Variants in TIMM23B observed in about 807,000 individuals in gnomAD.
TIMM23B encodes translocase of inner mitochondrial membrane 23 homolog B.
A neutral mutation model predicts 27.3 loss-of-function variants in TIMM23B; 27 were observed. The observed-to-expected ratio is 0.99, with a 90% CI of 0.73 to 1.36. TIMM23B has a LOEUF of 1.36. Among genes scored for constraint, TIMM23B ranks in the 40% most tolerant of loss-of-function variants. The pLI is 0.00. For synonymous variants in TIMM23B, 73 were observed against 92.4 expected (o/e 0.79, Z 1.21); for missense variants, 205 against 244.2 (o/e 0.84, Z 1.07).
chr10:49,955,670 A>G (rs1839692926), intron 5 of TIMM23B, among the ~76,000 whole-genome samples: 1 of 152,222 alleles, frequency 6.6e-6, no homozygotes, highest in Non-Finnish European at 1.5e-5. Context: ...CTGACATCCA[A>G]AATTTTCCTA....
rs1420488326 is a variant in TIMM23B, at chr10:49,942,139, A to C, written c.-56A>C. The C allele has an allele frequency of 2.6e-6, 4 of 1,542,024 alleles. No individual in the cohort carries two copies. The highest frequency in any genetic ancestry group is 3.5e-6 in the Non-Finnish European group (4 of 1,138,796). ...CGCTGTTATTGAGGAGTAACGGCCC[A>C]GCGGACCACCCAGGCTTGAGGCAGC... On this transcript the variant is annotated 5_prime_UTR_variant, in exon 1 of 7. Coordinates refer to ENST00000651259, the MANE Select transcript of TIMM23B (RefSeq NM_001290117.2).
intron 6 of TIMM23B, among the ~76,000 whole-genome samples, chr10:49,964,132 T>TG (rs1473914578): frequency 3.3e-5 from 5 of 150,202 alleles, no homozygotes; most frequent in African/African-American, 1.2e-4. Context: ...AAATATGAAA[T>TG]GCCAGGTGTG....
chr10:49,942,237 T>G lies in TIMM23B; in HGVS notation c.43T>G (p.Leu15Val). Residue 15 changes from leucine to valine, a missense_variant, in exon 1 of 7, where the codon TTG becomes GTG. Transcript: ENST00000651259. The stretch of plus-strand genomic sequence containing the variant: ...AAGCGGCGACAAAACCACAGGGGTA[T>G]TGGCCGGCTTTTTCGGAGCCGGCGA... ...GGSGDKTTGV[L>V]AGFFGAGEAG... The G allele has an allele frequency of 6.2e-7, 1 of 1,612,842 alleles. No individual in the cohort carries two copies. Among genetic ancestry groups the G allele is most frequent in the Non-Finnish European group, 8.5e-7 (1 of 1,179,428 alleles).
chr10:49,968,281 A>G (rs1554855780), intron 6 of TIMM23B, among the ~76,000 whole-genome samples: 1 of 152,240 alleles, frequency 6.6e-6, no homozygotes, highest in Non-Finnish European at 1.5e-5. Context: ...AAAGTTTGAA[A>G]TGCAACCTAT....
intron 2 of TIMM23B, among the ~76,000 whole-genome samples, chr10:49,949,709 T>G (rs1297227182): frequency 3.3e-5 from 5 of 151,054 alleles, no homozygotes; most frequent in Non-Finnish European, 7.4e-5. Context: ...TTATTGGAAA[T>G]AATTCTGGAG....
chr10:49,944,990 T>TA (rs1331549990), intron 1 of TIMM23B, 42 bp from the exon 2 acceptor site: 2 of 1,569,660 alleles, frequency 1.3e-6, no homozygotes, highest in African/African-American at 2.7e-5. Context: ...TGGATTAACT[T>TA]AAAGAATTTT....
chr10:49,949,466 A>C (rs1301372378), intron 2 of TIMM23B, among the ~76,000 whole-genome samples: 1 of 151,924 alleles, frequency 6.6e-6, no homozygotes, highest in Non-Finnish European at 1.5e-5. Context: ...AACTAGTTGC[A>C]TGTATTTTGC....
At chr10:49,971,345 A>C (rs1376601758) in intron 6 of TIMM23B, among the ~76,000 whole-genome samples, 1 of 151,902 alleles carries the variant, frequency 6.6e-6, no homozygotes, top group Non-Finnish European at 1.5e-5. Flanking sequence ...AAAAAAAAAA[A>C]AAAATACTGC....
intron 5 of TIMM23B, 100 bp from the exon 6 acceptor site, chr10:49,958,270 A>G: frequency 5.3e-6 from 4 of 754,230 alleles, no homozygotes; most frequent in South Asian, 1.5e-5. Flanking sequence ...GGGCTATGGG[A>G]GTTATGAGCT....
intron 2 of TIMM23B, among the ~76,000 whole-genome samples, chr10:49,947,785 C>T (rs1213989940): frequency 5.3e-5 from 8 of 151,908 alleles, no homozygotes; most frequent in East Asian, 1.9e-4. Context: ...CAAAAATTAG[C>T]GGGGTGTGGT....
intron 6 of TIMM23B, among the ~76,000 whole-genome samples, chr10:49,972,097 A>T (rs1361447500): frequency 2.6e-5 from 4 of 152,232 alleles, no homozygotes; most frequent in African/African-American, 9.6e-5. Flanking sequence ...AAAATTACAC[A>T]TATGTAATAT....
intron 5 of TIMM23B, among the ~76,000 whole-genome samples, chr10:49,956,947 G>C (rs1839744692): frequency 6.8e-6 from 1 of 146,360 alleles, no homozygotes. Context: ...GACCAGTTAT[G>C]TGGGAATATT....
intron 1 of TIMM23B, chr10:49,943,175 C>A (rs1839213046): frequency 6.6e-6 from 1 of 151,640 alleles, no homozygotes; most frequent in South Asian, 2.1e-4. Context: ...TCACCTTTGT[C>A]AAAAAACTGA....
intron 2 of TIMM23B, among the ~76,000 whole-genome samples, chr10:49,949,542 C>A (rs1326728866): frequency 1.3e-5 from 2 of 151,934 alleles, no homozygotes; most frequent in Non-Finnish European, 1.5e-5. Flanking sequence ...ATCATTGTAG[C>A]CCTGCATTGC....
At chr10:49,961,288 CA>C (rs1479838491) in intron 6 of TIMM23B, among the ~76,000 whole-genome samples, 1 of 144,346 alleles carries the variant, frequency 6.9e-6, no homozygotes, top group Non-Finnish European at 1.5e-5. Flanking sequence ...GAGGCTGAGG[CA>C]GGAGAATTGC....
At position 49,945,012 on chromosome 10, in the gene TIMM23B, A is replaced by G. The variant is rs1839311516; in HGVS notation, c.107-20A>G. ...ACTTAAAGAATTTTGTTGCAATGTG[A>G]CATTTTGTTTTCTCTCTAGTAACTG... is the stretch of plus-strand genomic sequence containing the variant. On this transcript the variant is annotated intron_variant, in intron 1 of 6. Coordinates refer to ENST00000651259, the MANE Select transcript of TIMM23B (RefSeq NM_001290117.2). 2.6e-6 allele frequency: 4 copies of G among 1,558,732 alleles called. No individual in the cohort carries two copies. The African/African-American group carries it at 4.1e-5, about 16-fold the overall frequency.
chr10:49,952,074 A>G, intron 2 of TIMM23B, 52 bp from the exon 3 acceptor site: 1 of 1,357,604 alleles, frequency 7.4e-7, no homozygotes, highest in Non-Finnish European at 1.0e-6. Context: ...CAACTTTACA[A>G]GATTTGTGTC....
intron 6 of TIMM23B, among the ~76,000 whole-genome samples, chr10:49,966,526 A>C (rs191681829): frequency 0.02 from 3,060 of 152,054 alleles, 36 homozygotes; most frequent in Middle Eastern, 0.031. Flanking sequence ...CTTGAAATGA[A>C]AGAAATGAAA....
intron 6 of TIMM23B, among the ~76,000 whole-genome samples, chr10:49,962,207 C>CTT (rs879018940): frequency 3.1e-4 from 45 of 143,206 alleles, no homozygotes; most frequent in Admixed American, 1.1e-3. Flanking sequence ...CTTTTTTTTG[C>CTT]TTTTTTTTTT....
Sources: gnomAD v4.1 joint callset for allele counts (sites outside exome capture counted in the v4.1 genomes callset) on GRCh38, gnomAD v4.1.1 for gene constraint, MANE v1.5 for transcripts, NCBI Gene and HGNC (gene_info 2026-07-23, HGNC 2026-07-21) for gene names.